The following AGBL1 variants were observed in gnomAD, a reference collection of about 807,000 sequenced individuals.
AGBL1 encodes the protein cytosolic carboxypeptidase 4.
Under a neutral mutation model 118.9 loss-of-function variants are expected in AGBL1, and 130 were observed. The observed-to-expected ratio is 1.09, with a 90% CI of 0.95 to 1.26. The LOEUF (loss-of-function observed/expected upper bound fraction) is 1.26. AGBL1 is among the 50% of genes most tolerant of loss of function. The probability of loss-of-function intolerance (pLI) is 0.00; values close to 1 mark genes in which losing one functional copy is unlikely to be tolerated. For synonymous variants in AGBL1, 555 were observed against 478.9 expected, an observed-to-expected ratio of 1.16 and a Z score of -2.08; for missense variants, 1,584 against 1,298.1, an observed-to-expected ratio of 1.22 and a Z score of -3.38.
At chr15:86,177,562 A>G (rs955805215) in intron 5 of AGBL1, among the ~76,000 whole-genome samples, 1 of 152,242 alleles carries the variant, frequency 6.6e-6, no homozygotes, top group African/African-American at 2.4e-5. Context: ...GCCAGTCACA[A>G]TGAATTTATA....
At chr15:86,943,977 C>A (rs899815288) in intron 23 of AGBL1, among the ~76,000 whole-genome samples, 1 of 152,056 alleles carries the variant, frequency 6.6e-6, no homozygotes, top group Non-Finnish European at 1.5e-5. Context: ...TTTTGGACCA[C>A]GAACTTTCTC....
intron 18 of AGBL1, among the ~76,000 whole-genome samples, chr15:86,514,843 G>A (rs2083099398): frequency 6.6e-6 from 1 of 151,926 alleles, no homozygotes; most frequent in Admixed American, 6.6e-5. Context: ...TTCATTCTTA[G>A]CTATGCTATT....
chr15:86,159,035 T>C lies in AGBL1; in HGVS notation c.488+9T>C. ...CGCACCCAAGCAATCAGGTACAGAGTGCCATGTAATACTTCTGCCCCTTTT... is the reference window on the plus strand; with the variant it reads ...CGCACCCAAGCAATCAGGTACAGAGCGCCATGTAATACTTCTGCCCCTTTT... On this transcript the variant is annotated intron_variant, in intron 5 of 22. Coordinates refer to ENST00000614907, the MANE Select transcript of AGBL1 (RefSeq NM_001386094.1). The C allele has an allele frequency of 6.2e-7, 1 of 1,611,450 alleles. No individual in the cohort carries two copies. The highest frequency in any genetic ancestry group is 1.3e-5 in the African/African-American group (1 of 74,928).
chr15:86,631,397 A>G (rs115426073), intron 21 of AGBL1, among the ~76,000 whole-genome samples: 2,818 of 152,350 alleles, frequency 0.018, 104 homozygotes, highest in African/African-American at 0.064. Flanking sequence ...TTAAGGGGTC[A>G]GTAACAGCAT....
intron 18 of AGBL1, among the ~76,000 whole-genome samples, chr15:86,435,210 G>T (rs928244251): frequency 6.6e-6 from 1 of 152,168 alleles, no homozygotes; most frequent in East Asian, 1.9e-4. Flanking sequence ...ATTAAAATAT[G>T]TGCATATTAA....
intron 19 of AGBL1, among the ~76,000 whole-genome samples, chr15:86,524,688 T>G (rs1235098672): frequency 1.3e-5 from 2 of 152,210 alleles, no homozygotes; most frequent in Non-Finnish European, 2.9e-5. Flanking sequence ...CCATCTGGCA[T>G]GGCCCAAGTC....
intron 5 of AGBL1, among the ~76,000 whole-genome samples, chr15:86,206,023 G>GTGTCCAAGTGTTCTCAT (rs1215749655): frequency 2.0e-4 from 31 of 152,230 alleles, no homozygotes; most frequent in African/African-American, 6.7e-4. Flanking sequence ...TCCCTGCCCT[G>GTGTCCAAGTGTTCTCAT]TGTCCAAGTG....
intron 1 of AGBL1, among the ~76,000 whole-genome samples, chr15:86,119,665 G>GTGTGTC (rs988128089): frequency 8.5e-6 from 1 of 117,014 alleles, no homozygotes; most frequent in African/African-American, 3.4e-5. Context: ...TTGTGTGTGT[G>GTGTGTC]TGTGTGTGTG....
intron 20 of AGBL1, 129 bp downstream of exon 20, chr15:86,546,262 A>C (rs1596251512): frequency 9.0e-7 from 1 of 1,113,236 alleles, no homozygotes; most frequent in East Asian, 2.7e-5. Flanking sequence ...AATTATTCTA[A>C]CCATAGGATT....
intron 6 of AGBL1, among the ~76,000 whole-genome samples, chr15:86,226,228 G>A (rs1661875645): frequency 6.6e-6 from 1 of 152,138 alleles, no homozygotes; most frequent in Non-Finnish European, 1.5e-5. Context: ...TTCAGGTTTG[G>A]CATCTCGGTT....
chr15:86,661,817 G>C (rs2085546152), intron 21 of AGBL1, among the ~76,000 whole-genome samples: 1 of 152,154 alleles, frequency 6.6e-6, no homozygotes, highest in Non-Finnish European at 1.5e-5. Context: ...TCGTCGCTCT[G>C]AGAATGTCGC....
intron 23 of AGBL1, among the ~76,000 whole-genome samples, chr15:86,977,850 T>A (rs2081191010): frequency 6.6e-6 from 1 of 152,140 alleles, no homozygotes; most frequent in South Asian, 2.1e-4. Context: ...GAAATATGTC[T>A]TAATTTTCAA....
chr15:86,366,818 T>C (rs1157826180), intron 17 of AGBL1, among the ~76,000 whole-genome samples: 1 of 152,150 alleles, frequency 6.6e-6, no homozygotes, highest in African/African-American at 2.4e-5. Flanking sequence ...GGGAAAAAGG[T>C]TCCTTTACTG....
intron 22 of AGBL1, among the ~76,000 whole-genome samples, chr15:86,773,959 C>A (rs1352285228): frequency 6.6e-6 from 1 of 152,090 alleles, no homozygotes; most frequent in Admixed American, 6.6e-5. Flanking sequence ...GATAGCACAG[C>A]CATATAAATC....
chr15:86,229,092 T>G (rs1324745727), intron 6 of AGBL1, among the ~76,000 whole-genome samples: 1 of 152,226 alleles, frequency 6.6e-6, no homozygotes, highest in African/African-American at 2.4e-5. Flanking sequence ...TTTTTATTCC[T>G]GAAATGTAGT....
intron 21 of AGBL1, among the ~76,000 whole-genome samples, chr15:86,612,512 G>A (rs1033402073): frequency 2.0e-5 from 3 of 151,954 alleles, no homozygotes; most frequent in African/African-American, 4.8e-5. Flanking sequence ...AACAGTGACC[G>A]GCATTAAAAC....
At chr15:86,123,237 T>C (rs1191025499) in intron 1 of AGBL1, among the ~76,000 whole-genome samples, 1 of 152,064 alleles carries the variant, frequency 6.6e-6, no homozygotes, top group Non-Finnish European at 1.5e-5. Context: ...CCCTTTGTCT[T>C]TTTTTTGTTG....
chr15:86,340,300 C>A (rs1481211513), intron 17 of AGBL1, among the ~76,000 whole-genome samples: 1 of 151,882 alleles, frequency 6.6e-6, no homozygotes, highest in African/African-American at 2.4e-5. Context: ...CACTGCCCCC[C>A]CCCCATTCAT....
intron 22 of AGBL1, among the ~76,000 whole-genome samples, chr15:86,888,097 G>A (rs2079996715): frequency 1.3e-5 from 2 of 152,056 alleles, no homozygotes; most frequent in African/African-American, 2.4e-5. Flanking sequence ...TTGGGAAGCT[G>A]GATTCTTTTC....
Sources: gnomAD v4.1 joint callset for allele counts (sites outside exome capture counted in the v4.1 genomes callset) on GRCh38, gnomAD v4.1.1 for gene constraint, MANE v1.5 for transcripts, NCBI Gene and HGNC (gene_info 2026-07-23, HGNC 2026-07-21) for gene names.